ZSCAN10: variants seen among roughly 807,000 people sequenced by gnomAD.
The protein encoded by ZSCAN10 is zinc finger and SCAN domain-containing protein 10.
A neutral mutation model predicts 63.7 loss-of-function variants in ZSCAN10; 52 were observed. That is an observed-to-expected ratio of 0.82 (90% CI 0.65 to 1.03). The LOEUF (loss-of-function observed/expected upper bound fraction) is 1.03. ZSCAN10 is among the 50% of genes least tolerant of loss of function. ZSCAN10 has a pLI of 0.00. For synonymous variants in ZSCAN10, 544 were observed against 479.6 expected (o/e 1.13, Z -1.76); for missense variants, 1,223 against 1,103.8 (o/e 1.11, Z -1.53).
chr16:3,097,592 G>T (rs185313127), intron 1 of ZSCAN10, among the ~76,000 whole-genome samples: 3 of 152,104 alleles, frequency 2.0e-5, no homozygotes, highest in Non-Finnish European at 4.4e-5. Flanking sequence ...AACCACCCCC[G>T]AGCCGGAACT....
chr16:3,092,009 G>A (rs374595812), intron 3 of ZSCAN10, 40 bp downstream of exon 3: 6 of 1,550,476 alleles, frequency 3.9e-6, no homozygotes, highest in East Asian at 2.3e-5. Flanking sequence ...GCCCCTCCGC[G>A]ACACCCAGTC....
At position 3,092,142 on chromosome 16, in the gene ZSCAN10, G is replaced by A; in HGVS notation, c.571C>T (p.Pro191Ser). ...PPRPQPRAAQ[P>S]AEPGQWRLPP... ...AGCCTCCACTGTCCCGGCTCAGCAG[G>A]CTGGGCAGCCCTTGGCTGGGGTCGG... Residue 191 changes from proline to serine, a missense_variant, in exon 3 of 6, where the codon CCT becomes TCT. Coordinates refer to ENST00000576985, the MANE Select transcript of ZSCAN10 (RefSeq NM_032805.3). 6.2e-7 allele frequency: 1 copy of A among 1,613,292 alleles called. No homozygotes were observed. The highest frequency in any genetic ancestry group is 8.5e-7 in the Non-Finnish European group (1 of 1,179,698).
At chr16:3,098,914 G>C (rs1398645865) in intron 1 of ZSCAN10, among the ~76,000 whole-genome samples, 3 of 152,224 alleles carry the variant, frequency 2.0e-5, no homozygotes, top group Non-Finnish European at 4.4e-5. Context: ...GGGCTGAGTG[G>C]ACAAGGCCCA....
In ZSCAN10 at chr16:3,089,250, C is replaced by G; in HGVS notation, c.2184G>C (p.Glu728Asp). 1 of 1,577,752 alleles carries G rather than the reference C, an allele frequency of 6.3e-7. No homozygotes were observed. ...EQAEPPQECV[E>D]CGKSFSRSCN... ...AGCTGCGGCTGAAGCTCTTCCCGCA[C>G]TCCACGCACTCCTGCGGGGGCTCGG... Residue 728 changes from glutamate (E) to aspartate (D), a missense_variant, in exon 6 of 6, where the codon GAG becomes GAC. Physicochemically the swap from Glu to Asp is conservative, Grantham distance 45. Coordinates refer to ENST00000576985, the MANE Select transcript of ZSCAN10 (RefSeq NM_032805.3).
chr16:3,092,119 C>G lies in ZSCAN10; in HGVS notation c.594G>C (p.Arg198Ser), dbSNP rs867636940. ...AAQPAEPGQW[R>S]LPPSSKQPLS... is the part of the protein sequence containing the mutation. ...GCGGCTGCTTTGAACTTGGGGGAAG[C>G]CTCCACTGTCCCGGCTCAGCAGGCT... The change falls in exon 3 of 6, where the codon AGG (arginine) becomes AGC (serine). Residue 198 changes from arginine to serine, a missense_variant. Arg to Ser is a moderately radical substitution (Grantham distance 110). Transcript: ENST00000576985. The G allele has an allele frequency of 3.7e-6, 6 of 1,610,018 alleles. No individual in the cohort carries two copies. The highest frequency in any genetic ancestry group is 1.7e-4 in the Middle Eastern group (1 of 6,048).
At chr16:3,097,144 C>T (rs561093040) in intron 1 of ZSCAN10, among the ~76,000 whole-genome samples, 18 of 151,714 alleles carry the variant, frequency 1.2e-4, no homozygotes, top group Non-Finnish European at 1.9e-4. Context: ...TCCCTGGTAA[C>T]GATGGCCTAG....
Position 3,089,677 on chromosome 16 carries a change from C to T in ZSCAN10, c.1757G>A (p.Arg586His), listed in dbSNP as rs751707925. 4.4e-6 allele frequency: 7 copies of T among 1,600,758 alleles called. No individual in the cohort carries two copies. The highest frequency in any genetic ancestry group is 6.0e-6 in the Non-Finnish European group (7 of 1,174,570). The part of the protein sequence containing the change: ...KPYACPQCGK[R>H]FVRRASLARH... ...GGCAAGGCTGGCCCGGCGCACAAAGCGCTTCCCGCACTGCGGACAGGCGTA... is the reference window on the plus strand; with the variant it reads ...GGCAAGGCTGGCCCGGCGCACAAAGTGCTTCCCGCACTGCGGACAGGCGTA... The change falls in exon 6 of 6, where the codon CGC (arginine) becomes CAC (histidine). Residue 586 changes from arginine to histidine, a missense_variant. Physicochemically the swap from Arg to His is conservative, Grantham distance 29. Coordinates refer to ENST00000576985, the MANE Select transcript of ZSCAN10 (RefSeq NM_032805.3).
chr16:3,095,409 C>G (rs113813615), intron 1 of ZSCAN10, among the ~76,000 whole-genome samples: 2 of 149,324 alleles, frequency 1.3e-5, no homozygotes, highest in African/African-American at 2.5e-5. Context: ...CCCAGCTACT[C>G]GGGAGGCTGA....
chr16:3,092,763 G>A lies in ZSCAN10; in HGVS notation c.175C>T (p.Arg59Trp), dbSNP rs989691278. The A allele has an allele frequency of 3.7e-6, 6 of 1,604,860 alleles. No homozygotes were observed. The highest frequency in any genetic ancestry group is 1.7e-5 in the Admixed American group (1 of 58,548). The part of the protein sequence containing the change: ...CFQYQEDMGP[R>W]ASLSRLRELC... ...TCCCGGAGCCGGCTCAGGGACGCCC[G>A]TGGCCCCATGTCCTCCTGATACTGG... Residue 59 changes from arginine (R) to tryptophan (W), a missense_variant, in exon 2 of 6, where the codon CGG (arginine) becomes TGG (tryptophan). By Grantham distance (101) the Arg-to-Trp change is moderately radical (BLOSUM62 -3). Coordinates refer to ENST00000576985, the MANE Select transcript of ZSCAN10 (RefSeq NM_032805.3).
rs138053638 is a variant in ZSCAN10, at chr16:3,092,818, G to C, written c.120C>G (p.Pro40=). 2,333 of 1,524,688 alleles carry C rather than the reference G, an allele frequency of 1.5e-3. 16 individuals are homozygous for C. The highest frequency in any genetic ancestry group is 0.012 in the Admixed American group (561 of 47,342). 94.4% of individuals were successfully genotyped at this position (1,524,688 alleles called of 1,614,324 possible). The change falls in exon 2 of 6, where the codon CCC becomes CCG. Residue 40 remains proline, a synonymous_variant. Transcript: ENST00000576985. ...ATCTGAACAGCTGGTGAGCCACCTC[G>C]GGCCTCAGCCTGGACTCTGGTCGCC... ...DPRRPESRLR[P]EVAHQLFRCF... is the part of the protein sequence containing the mutation.
intron 1 of ZSCAN10, among the ~76,000 whole-genome samples, chr16:3,094,727 T>C (rs975641965): frequency 6.6e-6 from 1 of 151,964 alleles, no homozygotes; most frequent in Non-Finnish European, 1.5e-5. Flanking sequence ...CTCAAAGAAA[T>C]TGGCCTGAGT....
At chr16:3,091,226 T>C (rs1027831554) in intron 5 of ZSCAN10, among the ~76,000 whole-genome samples, 2 of 151,768 alleles carry the variant, frequency 1.3e-5, no homozygotes, top group African/African-American at 4.8e-5. Flanking sequence ...GTGGGAGGAT[T>C]ACCTGAGCCC....
In ZSCAN10 at chr16:3,089,919, C is replaced by T; in HGVS notation, c.1515G>A (p.Arg505=). 6.5e-7 allele frequency: 1 copy of T among 1,536,500 alleles called. No homozygotes were observed. ...LRIHARDKDR[R]SSEGSGSRRR... ...GGCGGCTGCCGGAGCCTTCGGAGGA[C>T]CGGCGGTCCTTGTCCCTGGCGTGGA... Residue 505 remains arginine (R), a synonymous_variant, in exon 6 of 6, where the codon CGG becomes CGA. Coordinates refer to ENST00000576985, the MANE Select transcript of ZSCAN10 (RefSeq NM_032805.3).
chr16:3,096,676 C>A (rs57488045), intron 1 of ZSCAN10, among the ~76,000 whole-genome samples: 10 of 152,202 alleles, frequency 6.6e-5, no homozygotes, highest in African/African-American at 1.9e-4. Flanking sequence ...GCCTGTAATC[C>A]CAGCAGTGTG....
chr16:3,098,632 G>C (rs1957185253), intron 1 of ZSCAN10, among the ~76,000 whole-genome samples: 2 of 149,324 alleles, frequency 1.3e-5, no homozygotes, highest in Non-Finnish European at 3.0e-5. Context: ...AGATCTCCAG[G>C]ACAAAAGCTC....
At chr16:3,093,904 T>C in intron 1 of ZSCAN10, among the ~76,000 whole-genome samples, 1 of 152,104 alleles carries the variant, frequency 6.6e-6, no homozygotes, top group East Asian at 1.9e-4. Flanking sequence ...TGGGCTGGTC[T>C]TGAACTCCTG....
chr16:3,090,085 T>A lies in ZSCAN10; in HGVS notation c.1349A>T (p.His450Leu), dbSNP rs573806484. The change falls in exon 6 of 6, where the codon CAC becomes CTC. Residue 450 changes from histidine to leucine, a missense_variant. Coordinates refer to ENST00000576985, the MANE Select transcript of ZSCAN10 (RefSeq NM_032805.3). ...GFQRRASLVQHLLAHAQDQKP... is the reference protein window; with the variant it reads ...GFQRRASLVQLLLAHAQDQKP... ...CTGGTCCTGGGCGTGCGCCAGCAGGTGCTGCACAAGGCTGGCGCGGCGCTG... is the reference window on the plus strand; with the variant it reads ...CTGGTCCTGGGCGTGCGCCAGCAGGAGCTGCACAAGGCTGGCGCGGCGCTG... 1 of 1,605,080 alleles carries A rather than the reference T, an allele frequency of 6.2e-7. No homozygotes were observed. Among genetic ancestry groups the A allele is most frequent in the African/African-American group, 1.3e-5 (1 of 74,954 alleles).
chr16:3,093,110 C>A (rs576759708), intron 1 of ZSCAN10, 106 bp from the exon 2 acceptor site: 187 of 840,058 alleles, frequency 2.2e-4, no homozygotes, highest in Admixed American at 5.2e-4. Context: ...AGAGGAATCG[C>A]TTTTCTCACT....
chr16:3,090,116 C>A lies in ZSCAN10; in HGVS notation c.1318G>T (p.Gly440Cys). 6.3e-7 allele frequency: 1 copy of A among 1,599,760 alleles called. No individual in the cohort carries two copies. Among genetic ancestry groups the A allele is most frequent in the South Asian group, 1.1e-5 (1 of 90,420 alleles). Residue 440 changes from glycine (G) to cysteine (C), a missense_variant, in exon 6 of 6, where the codon GGC becomes TGC. Gly to Cys is a radical substitution (Grantham distance 159). Coordinates refer to ENST00000576985, the MANE Select transcript of ZSCAN10 (RefSeq NM_032805.3). ...PAFLCAECGR[G>C]FQRRASLVQH... Reference sequence around the variant, plus strand: ...ACAAGGCTGGCGCGGCGCTGGAAGCCGCGGCCGCACTCTGCGCACAGGAAG... The same window carrying A: ...ACAAGGCTGGCGCGGCGCTGGAAGCAGCGGCCGCACTCTGCGCACAGGAAG...
Sources: allele counts gnomAD v4.1 joint callset (sites outside exome capture counted in the v4.1 genomes callset), GRCh38; gene constraint gnomAD v4.1.1; transcripts MANE v1.5; gene names NCBI Gene and HGNC (gene_info 2026-07-23, HGNC 2026-07-21).